Variants in SDK1 observed in about 807,000 individuals in gnomAD.
SDK1 encodes the protein protein sidekick-1.
SDK1 carries 157 observed loss-of-function variants against 245.5 expected under a neutral mutation model. The ratio of observed to expected loss-of-function variants is 0.64; its 90% CI spans 0.56 to 0.73. The LOEUF is 0.73. Ranked by LOEUF, SDK1 falls within the 30% of genes least tolerant of loss-of-function variation. The pLI, the probability that SDK1 is intolerant of heterozygous loss-of-function variation, is 0.00. For missense variants in SDK1, 3,583 were observed against 3,002.3 expected (o/e 1.19, Z -4.52); for synonymous variants, 1,647 against 1,278.5 (o/e 1.29, Z -6.15).
chr7:3,849,969 A>G (rs533319355), intron 5 of SDK1, among the ~76,000 whole-genome samples: 3 of 152,366 alleles, frequency 2.0e-5, no homozygotes, highest in Admixed American at 1.3e-4. Flanking sequence ...ATGTATTTTC[A>G]TAAGTCGAAA....
intron 5 of SDK1, among the ~76,000 whole-genome samples, chr7:3,832,632 C>A (rs555083944): frequency 6.6e-6 from 1 of 152,106 alleles, no homozygotes; most frequent in East Asian, 1.9e-4. Flanking sequence ...AAGAACACTT[C>A]GTATCTGAGA....
rs972979397 is a variant in SDK1, at chr7:3,555,988, C to T, written c.299-63092C>T. Reference sequence around the variant, plus strand: ...CGGTGGGAATGTAAATTAGGGAAACCACCATGGAGAGCAGTTTGGAGGTTT... The same window carrying T: ...CGGTGGGAATGTAAATTAGGGAAACTACCATGGAGAGCAGTTTGGAGGTTT... On this transcript the variant is annotated intron_variant, in intron 1 of 44. Coordinates refer to ENST00000404826, the MANE Select transcript of SDK1 (RefSeq NM_152744.4). Among the ~76,000 whole-genome samples the T allele has an allele frequency of 1.2e-3, 184 of 152,086 alleles. 13 individuals carry two copies. The highest frequency in any genetic ancestry group is 1.9e-3 in the South Asian group (9 of 4,816).
At chr7:3,803,296 T>TTCG (rs1779152541) in intron 4 of SDK1, among the ~76,000 whole-genome samples, 1 of 100,566 alleles carries the variant, frequency 9.9e-6, no homozygotes, top group South Asian at 3.4e-4. Context: ...TTTCTTTTCT[T>TTCG]TTCTTTCTTT....
chr7:3,678,436 C>G (rs184183966), intron 4 of SDK1, among the ~76,000 whole-genome samples: 1 of 152,272 alleles, frequency 6.6e-6, no homozygotes, highest in Non-Finnish European at 1.5e-5. Flanking sequence ...ATTATGTGCC[C>G]ATAAAAGGCA....
chr7:3,392,961 A>ATTTTTTTTTTTTTTTTTTT (rs572782966), intron 1 of SDK1, among the ~76,000 whole-genome samples: 1 of 87,124 alleles, frequency 1.1e-5, no homozygotes, highest in Non-Finnish European at 2.1e-5. Flanking sequence ...CCTGTTTTAA[A>ATTTTTTTTTTTTTTTTTTT]TTTTTTTTTT....
intron 1 of SDK1, among the ~76,000 whole-genome samples, chr7:3,615,374 A>G (rs1310746772): frequency 6.6e-6 from 1 of 151,638 alleles, no homozygotes; most frequent in East Asian, 1.9e-4. Context: ...GCTACATTCA[A>G]ATTTAAGAAT....
At chr7:3,616,485 C>T (rs1453373666) in intron 1 of SDK1, among the ~76,000 whole-genome samples, 1 of 152,208 alleles carries the variant, frequency 6.6e-6, no homozygotes, top group African/African-American at 2.4e-5. Context: ...GCCATGTTTG[C>T]TCCCACCAGA....
At chr7:4,208,724 C>G (rs1041273231) in intron 37 of SDK1, among the ~76,000 whole-genome samples, 1 of 152,200 alleles carries the variant, frequency 6.6e-6, no homozygotes, top group Non-Finnish European at 1.5e-5. Flanking sequence ...CGGGAATTCC[C>G]CTGGGTCTCA....
At chr7:3,510,206 A>G (rs1391246851) in intron 1 of SDK1, among the ~76,000 whole-genome samples, 1 of 152,206 alleles carries the variant, frequency 6.6e-6, no homozygotes, top group Non-Finnish European at 1.5e-5. Context: ...GCTGCTAGTC[A>G]CTGTGGTGTG....
At chr7:4,234,466 C>A (rs1465146225) in intron 41 of SDK1, among the ~76,000 whole-genome samples, 1 of 152,082 alleles carries the variant, frequency 6.6e-6, no homozygotes, top group Non-Finnish European at 1.5e-5. Flanking sequence ...GCCTGGGAAT[C>A]AGGAAGGTGC....
intron 17 of SDK1, among the ~76,000 whole-genome samples, chr7:4,043,141 C>T (rs1233792368): frequency 8.4e-6 from 1 of 119,260 alleles, no homozygotes; most frequent in African/African-American, 4.3e-5. Flanking sequence ...GTGAGTGTCA[C>T]AGCCAGAGAC....
At chr7:3,590,532 A>G (rs891652564) in intron 1 of SDK1, among the ~76,000 whole-genome samples, 5 of 152,188 alleles carry the variant, frequency 3.3e-5, no homozygotes, top group African/African-American at 1.2e-4. Context: ...GTTTGAAATC[A>G]CTAAATCACA....
At chr7:3,809,267 C>G (rs1024358679) in intron 4 of SDK1, among the ~76,000 whole-genome samples, 1 of 152,096 alleles carries the variant, frequency 6.6e-6, no homozygotes, top group Non-Finnish European at 1.5e-5. Flanking sequence ...AAGTCACTAT[C>G]GTGAGGACAG....
chr7:4,138,065 A>G (rs976991295), intron 28 of SDK1, among the ~76,000 whole-genome samples: 11 of 152,220 alleles, frequency 7.2e-5, no homozygotes, highest in Non-Finnish European at 1.2e-4. Context: ...TTTAGGGCAA[A>G]TAATAGGAAG....
chr7:3,627,921 T>C (rs1053181041), intron 2 of SDK1, among the ~76,000 whole-genome samples: 5 of 152,178 alleles, frequency 3.3e-5, no homozygotes, highest in Non-Finnish European at 4.4e-5. Context: ...CCCAGGCCTC[T>C]TTCCCATCAG....
intron 4 of SDK1, among the ~76,000 whole-genome samples, chr7:3,744,597 G>T (rs1011701767): frequency 6.6e-6 from 1 of 152,112 alleles, no homozygotes; most frequent in East Asian, 1.9e-4. Flanking sequence ...AGATCACAAA[G>T]TCAGGAGATC....
chr7:3,913,195 G>C (rs149234306), intron 5 of SDK1, among the ~76,000 whole-genome samples: 2 of 152,272 alleles, frequency 1.3e-5, no homozygotes, highest in East Asian at 3.9e-4. Flanking sequence ...CCAGCTCCTG[G>C]CTCGCGCTAA....
intron 41 of SDK1, among the ~76,000 whole-genome samples, 189 bp downstream of exon 41, chr7:4,233,608 G>T (rs535890887): frequency 6.6e-6 from 1 of 152,280 alleles, no homozygotes; most frequent in South Asian, 2.1e-4. Flanking sequence ...GACCCTGGGA[G>T]GTCTGTCTTC....
intron 22 of SDK1, among the ~76,000 whole-genome samples, chr7:4,092,312 C>T (rs756154044): frequency 2.0e-5 from 3 of 152,178 alleles, no homozygotes; most frequent in Non-Finnish European, 4.4e-5. Context: ...GCTCGCCTAC[C>T]CCCTGTCCCG....
Sources: gnomAD v4.1 joint callset for allele counts (sites outside exome capture counted in the v4.1 genomes callset) on GRCh38, gnomAD v4.1.1 for gene constraint, MANE v1.5 for transcripts, NCBI Gene and HGNC (gene_info 2026-07-23, HGNC 2026-07-21) for gene names.